SBF2: variants seen among roughly 807,000 people sequenced by gnomAD.
The protein encoded by SBF2 is myotubularin-related protein 13.
SBF2 carries 112 observed loss-of-function variants against 225.2 expected under a neutral mutation model. That is an observed-to-expected ratio of 0.50 (90% confidence interval 0.43 to 0.58). SBF2 has a LOEUF of 0.58. Ranked by LOEUF, SBF2 falls within the 20% of genes least tolerant of loss-of-function variation. SBF2 has a pLI of 0.00. For synonymous variants in SBF2, 763 were observed against 773.3 expected (o/e 0.99, Z 0.22); for missense variants, 1,996 against 2,206.2 (o/e 0.90, Z 1.91).
intron 1 of SBF2, among the ~76,000 whole-genome samples, chr11:10,286,163 C>T (rs563394115): frequency 1.8e-5 from 2 of 113,086 alleles, no homozygotes; most frequent in East Asian, 4.5e-4. Context: ...TAAACACGCA[C>T]ACGCACACAC....
intron 1 of SBF2, among the ~76,000 whole-genome samples, chr11:10,279,492 A>G (rs1963246742): frequency 6.6e-6 from 1 of 152,088 alleles, no homozygotes; most frequent in South Asian, 2.1e-4. Context: ...TAAAATTTAA[A>G]AGCTTACCCT....
At chr11:10,054,474 C>G (rs1374508825) in intron 2 of SBF2, among the ~76,000 whole-genome samples, 1 of 152,136 alleles carries the variant, frequency 6.6e-6, no homozygotes, top group Non-Finnish European at 1.5e-5. Flanking sequence ...ATATCAGTCT[C>G]ATGAACAGAT....
In SBF2 at chr11:9,792,327, A is replaced by G. The variant is rs546769241; in HGVS notation, c.4571-1644T>C. Among the ~76,000 whole-genome samples the G allele has an allele frequency of 7.9e-5, 12 of 151,932 alleles. No homozygotes were observed. In the East Asian group the frequency reaches 2.3e-3, roughly 29 times the overall value. ...GCACCTGTAATCCCAGCTACTCGGG[A>G]GGCTGAGGCAGGAGAATCACTTGAA... On this transcript the variant is annotated intron_variant, in intron 33 of 39. Transcript: ENST00000256190.
At chr11:9,978,468 T>C (rs796702510) in intron 13 of SBF2, among the ~76,000 whole-genome samples, 8 of 152,280 alleles carry the variant, frequency 5.3e-5, no homozygotes, top group African/African-American at 1.9e-4. Context: ...AAATGAAATA[T>C]AATTAGATTG....
At chr11:10,278,753 C>T (rs1963169737) in intron 1 of SBF2, among the ~76,000 whole-genome samples, 2 of 149,816 alleles carry the variant, frequency 1.3e-5, no homozygotes, top group South Asian at 4.2e-4. Context: ...CCATTGCACT[C>T]CAGCCTGGGC....
At chr11:9,968,269 G>T in intron 14 of SBF2, 72 bp downstream of exon 14, 4 of 1,338,964 alleles carry the variant, frequency 3.0e-6, no homozygotes, top group Non-Finnish European at 4.3e-6. Context: ...TCATCAAATT[G>T]CACACTTTTC....
intron 8 of SBF2, among the ~76,000 whole-genome samples, chr11:10,000,099 C>G (rs1009908615): frequency 6.6e-6 from 1 of 152,164 alleles, no homozygotes; most frequent in Non-Finnish European, 1.5e-5. Context: ...ATTCCATAAC[C>G]AGGCAGTTCT....
At chr11:9,908,061 G>C (rs1564985081) in intron 16 of SBF2, among the ~76,000 whole-genome samples, 1 of 152,142 alleles carries the variant, frequency 6.6e-6, no homozygotes, top group African/African-American at 2.4e-5. Flanking sequence ...TAAAAATGGA[G>C]TCTGTGGAAA....
intron 1 of SBF2, among the ~76,000 whole-genome samples, chr11:10,218,437 C>T (rs1361186410): frequency 1.3e-5 from 2 of 149,726 alleles, no homozygotes; most frequent in South Asian, 2.1e-4. Context: ...CCAAACAATA[C>T]AATTCCACCC....
At chr11:9,883,381 T>C (rs927931883) in intron 17 of SBF2, among the ~76,000 whole-genome samples, 1 of 152,116 alleles carries the variant, frequency 6.6e-6, no homozygotes, top group African/African-American at 2.4e-5. Flanking sequence ...ACCCAGGACA[T>C]AGCAGAGGAC....
At chr11:10,092,751 G>A (rs753757918) in intron 2 of SBF2, among the ~76,000 whole-genome samples, 1 of 152,124 alleles carries the variant, frequency 6.6e-6, no homozygotes, top group Non-Finnish European at 1.5e-5. Flanking sequence ...ACATACACAC[G>A]CATTTAAATT....
intron 2 of SBF2, among the ~76,000 whole-genome samples, chr11:10,182,252 A>G (rs1331306422): frequency 1.3e-5 from 2 of 152,170 alleles, no homozygotes; most frequent in Non-Finnish European, 2.9e-5. Context: ...GTAATATAAA[A>G]ATTCATTCCT....
chr11:9,829,294 C>T (rs1855240567), intron 28 of SBF2, 62 bp downstream of exon 28: 6 of 1,549,420 alleles, frequency 3.9e-6, no homozygotes, highest in Non-Finnish European at 5.3e-6. Context: ...ACAAATAACC[C>T]TAGGAACAGA....
chr11:9,804,666 CCT>C (rs1370258374), intron 32 of SBF2, among the ~76,000 whole-genome samples: 1 of 152,106 alleles, frequency 6.6e-6, no homozygotes, highest in Non-Finnish European at 1.5e-5. Flanking sequence ...ATGGTTTTGC[CCT>C]TTTTAGAATG....
At chr11:9,821,510 C>A (rs1326674422) in intron 28 of SBF2, among the ~76,000 whole-genome samples, 1 of 152,126 alleles carries the variant, frequency 6.6e-6, no homozygotes, top group Non-Finnish European at 1.5e-5. Flanking sequence ...GTCATTTTAA[C>A]CAAAGGAATT....
chr11:9,800,514 C>T (rs1853427365), intron 32 of SBF2, among the ~76,000 whole-genome samples: 1 of 151,934 alleles, frequency 6.6e-6, no homozygotes, highest in Non-Finnish European at 1.5e-5. Flanking sequence ...TCATGCCATT[C>T]TCCTGCCTCA....
chr11:9,798,355 C>T (rs1418342408), intron 32 of SBF2, among the ~76,000 whole-genome samples: 1 of 152,170 alleles, frequency 6.6e-6, no homozygotes, highest in African/African-American at 2.4e-5. Context: ...TCAACAGCCC[C>T]ACCCCAAGGA....
chr11:10,089,206 C>T (rs1024008333), intron 2 of SBF2, among the ~76,000 whole-genome samples: 1 of 152,176 alleles, frequency 6.6e-6, no homozygotes, highest in Admixed American at 6.5e-5. Context: ...AAACCCCTCC[C>T]ACCTTTAAGT....
At chr11:9,971,959 G>T (rs1290054496) in intron 13 of SBF2, among the ~76,000 whole-genome samples, 1 of 152,184 alleles carries the variant, frequency 6.6e-6, no homozygotes, top group Non-Finnish European at 1.5e-5. Flanking sequence ...CCCCAAAACA[G>T]GACTATGTGA....
Sources: allele counts gnomAD v4.1 joint callset (sites outside exome capture counted in the v4.1 genomes callset), GRCh38; gene constraint gnomAD v4.1.1; transcripts MANE v1.5; gene names NCBI Gene and HGNC (gene_info 2026-07-23, HGNC 2026-07-21).